Variants in TTLL9 observed in about 807,000 individuals in gnomAD.
TTLL9 encodes the protein tubulin tyrosine ligase like 9.
TTLL9 carries 47 observed loss-of-function variants against 65.6 expected under a neutral mutation model. The ratio of observed to expected loss-of-function variants is 0.72; its 90% CI spans 0.57 to 0.91. The LOEUF (loss-of-function observed/expected upper bound fraction) is 0.91. Ranked by LOEUF, TTLL9 falls within the 40% of genes least tolerant of loss-of-function variation. The probability of loss-of-function intolerance (pLI) is 0.00; values close to 1 mark genes in which losing one functional copy is unlikely to be tolerated. For synonymous variants in TTLL9, 179 were observed against 204.8 expected, an observed-to-expected ratio of 0.87 and a Z score of 1.07; for missense variants, 537 against 568.8, an observed-to-expected ratio of 0.94 and a Z score of 0.57.
At chr20:31,902,790 A>G (rs1338664676) in intron 4 of TTLL9, among the ~76,000 whole-genome samples, 1 of 152,204 alleles carries the variant, frequency 6.6e-6, no homozygotes, top group Admixed American at 6.5e-5. Context: ...ATGCCATTTT[A>G]CATTAACACC....
At chr20:31,939,511 G>A (rs2064171753) in intron 14 of TTLL9, 1 of 350,216 alleles carries the variant, frequency 2.9e-6, no homozygotes, top group African/African-American at 2.1e-5. Context: ...TTGAAAACTA[G>A]AGAAAGAAAT....
At chr20:31,913,919 C>G (rs1176852470) in intron 6 of TTLL9, among the ~76,000 whole-genome samples, 1 of 152,316 alleles carries the variant, frequency 6.6e-6, no homozygotes, top group East Asian at 1.9e-4. Flanking sequence ...CAGCCCGCCT[C>G]GTGGTGCGGG....
At chr20:31,936,937 A>G (rs1326167975) in intron 12 of TTLL9, among the ~76,000 whole-genome samples, 1 of 151,916 alleles carries the variant, frequency 6.6e-6, no homozygotes, top group Non-Finnish European at 1.5e-5. Flanking sequence ...CTCTACTAAA[A>G]ATACAAAGAA....
chr20:31,899,411 C>T (rs951463028), intron 4 of TTLL9, among the ~76,000 whole-genome samples: 2 of 152,190 alleles, frequency 1.3e-5, no homozygotes, highest in Non-Finnish European at 2.9e-5. Flanking sequence ...AGGAGGATTG[C>T]TTGAGTCCAG....
chr20:31,894,098 CTTTTTTTTTTTTT>C (rs1162101774), intron 3 of TTLL9, among the ~76,000 whole-genome samples: 4 of 92,094 alleles, frequency 4.3e-5, no homozygotes, highest in Admixed American at 1.4e-4. Context: ...CCATTTGGTT[CTTTTTTTTTTTTT>C]TTTTTTTTTT....
At chr20:31,901,433 T>A (rs2063478675) in intron 4 of TTLL9, 1 of 152,202 alleles carries the variant, frequency 6.6e-6, no homozygotes. Context: ...CCACTGACCT[T>A]GTTAAGAGGC....
At chr20:31,942,917 C>A (rs1432718634) in intron 14 of TTLL9, 28 bp from the exon 15 acceptor site, 1 of 1,613,328 alleles carries the variant, frequency 6.2e-7, no homozygotes, top group Non-Finnish European at 8.5e-7. Flanking sequence ...CATAGGTCAT[C>A]CCAGCCAACA....
chr20:31,887,638 C>A (rs1252368033), intron 3 of TTLL9, among the ~76,000 whole-genome samples: 1 of 152,110 alleles, frequency 6.6e-6, no homozygotes, highest in East Asian at 1.9e-4. Context: ...TGATGACTTG[C>A]ATGTCAGCTG....
intron 13 of TTLL9, chr20:31,938,199 C>A (rs144115350): frequency 2.2e-6 from 1 of 455,930 alleles, no homozygotes; most frequent in Admixed American, 2.4e-5. Context: ...AGGGCTGATT[C>A]TCCTTGCTGG....
chr20:31,930,474 G>A (rs1008214427), intron 10 of TTLL9, among the ~76,000 whole-genome samples: 6 of 152,090 alleles, frequency 3.9e-5, no homozygotes, highest in Non-Finnish European at 8.8e-5. Flanking sequence ...CCCAGATGGG[G>A]TCCTACCAGC....
At position 31,926,137 on chromosome 20, in the gene TTLL9, G is replaced by C. The variant is rs750451757; in HGVS notation, c.748+46G>C. 3.6e-6 allele frequency: 5 copies of C among 1,376,416 alleles called. No homozygotes were observed. In the East Asian group the frequency reaches 1.1e-4, roughly 32 times the overall value. 85.3% of individuals were successfully genotyped at this position (1,376,416 alleles called of 1,614,324 possible). A position where few individuals can be genotyped will look rare whatever the true frequency, so the allele number is the denominator to read the frequency against. On this transcript the variant is annotated intron_variant, in intron 10 of 14. Transcript: ENST00000535842. ...CTTCCCTCCGGGAGCTTCCAGTTTTGTGGGGGTGATTCCATGGGAGAGGCC... is the reference window on the plus strand; with the variant it reads ...CTTCCCTCCGGGAGCTTCCAGTTTTCTGGGGGTGATTCCATGGGAGAGGCC...
At chr20:31,915,830 T>C (rs376281788) in intron 6 of TTLL9, among the ~76,000 whole-genome samples, 2 of 152,220 alleles carry the variant, frequency 1.3e-5, no homozygotes, top group South Asian at 2.1e-4. Context: ...CTGGTAAGTA[T>C]TGGCTGCTGG....
intron 2 of TTLL9, among the ~76,000 whole-genome samples, chr20:31,877,994 T>C (rs2063060211): frequency 6.6e-6 from 1 of 152,242 alleles, no homozygotes. Context: ...TTGTCAGTTT[T>C]CCTTTCTGCT....
At chr20:31,924,900 T>A (rs1403553819) in intron 8 of TTLL9, 109 bp from the exon 9 acceptor site, 1 of 1,223,700 alleles carries the variant, frequency 8.2e-7, no homozygotes, top group African/African-American at 1.5e-5. Flanking sequence ...CAGCAGGAGC[T>A]TCATGAAGGC....
chr20:31,924,576 T>G (rs1205704635), intron 8 of TTLL9, among the ~76,000 whole-genome samples: 1 of 149,994 alleles, frequency 6.7e-6, no homozygotes, highest in Non-Finnish European at 1.5e-5. Flanking sequence ...CTTTATACCT[T>G]GTGCGTTTTT....
chr20:31,921,125 G>A (rs1253611010), intron 7 of TTLL9, among the ~76,000 whole-genome samples: 1 of 152,224 alleles, frequency 6.6e-6, no homozygotes, highest in Non-Finnish European at 1.5e-5. Context: ...CATGCAGGAT[G>A]TTGAGCACTT....
At chr20:31,940,881 A>G (rs1380142855) in intron 14 of TTLL9, 1 of 152,176 alleles carries the variant, frequency 6.6e-6, no homozygotes, top group African/African-American at 2.4e-5. Context: ...TTCTGCTACA[A>G]TCAAAGCATT....
intron 12 of TTLL9, among the ~76,000 whole-genome samples, chr20:31,936,945 G>T (rs111809411): frequency 1.5e-3 from 232 of 151,770 alleles, no homozygotes; most frequent in African/African-American, 5.3e-3. Context: ...AAAATACAAA[G>T]AAATTGGCTG....
chr20:31,927,471 ACT>A (rs1428629124), intron 10 of TTLL9, among the ~76,000 whole-genome samples: 2 of 105,860 alleles, frequency 1.9e-5, no homozygotes, highest in South Asian at 3.1e-4. Flanking sequence ...ACAAAATAAG[ACT>A]CTGTCTCAAA....
Sources: allele counts gnomAD v4.1 joint callset (sites outside exome capture counted in the v4.1 genomes callset), GRCh38; gene constraint gnomAD v4.1.1; transcripts MANE v1.5; gene names NCBI Gene and HGNC (gene_info 2026-07-23, HGNC 2026-07-21).